The following UGGT2 variants were observed in gnomAD, a reference collection of about 807,000 sequenced individuals.
The protein encoded by UGGT2 is UDP-glucose glycoprotein glucosyltransferase 2.
In UGGT2, 180 loss-of-function variants were observed where a neutral mutation model predicts 192.1. The observed-to-expected ratio is 0.94, with a 90% CI of 0.83 to 1.06. The LOEUF is 1.06. Ranked by LOEUF, UGGT2 falls within the 50% of genes least tolerant of loss-of-function variation. The pLI, the probability that UGGT2 is intolerant of heterozygous loss-of-function variation, is 0.00. For synonymous variants in UGGT2, 580 were observed against 591.0 expected, an observed-to-expected ratio of 0.98 and a Z score of 0.27; for missense variants, 1,849 against 1,795.7, an observed-to-expected ratio of 1.03 and a Z score of -0.54.
intron 2 of UGGT2, among the ~76,000 whole-genome samples, chr13:96,029,442 C>T (rs1477571482): frequency 6.6e-6 from 1 of 151,814 alleles, no homozygotes; most frequent in African/African-American, 2.4e-5. Context: ...CGCACCACCA[C>T]GCCCAGCTAA....
At chr13:95,993,800 T>C (rs1594530230) in intron 7 of UGGT2, among the ~76,000 whole-genome samples, 1 of 152,252 alleles carries the variant, frequency 6.6e-6, no homozygotes, top group South Asian at 2.1e-4. Flanking sequence ...ACTAAAGGTG[T>C]TAATAAAAAT....
chr13:95,904,492 G>T (rs1420924347), intron 20 of UGGT2, among the ~76,000 whole-genome samples: 3 of 128,016 alleles, frequency 2.3e-5, no homozygotes, highest in African/African-American at 9.1e-5. Context: ...TCCCCTTCCT[G>T]TGTCCATGTG....
intron 38 of UGGT2, among the ~76,000 whole-genome samples, chr13:95,832,108 T>G (rs1284750398): frequency 2.0e-5 from 3 of 151,714 alleles, no homozygotes; most frequent in Non-Finnish European, 4.4e-5. Flanking sequence ...AGTTTATACA[T>G]AATCATTTCG....
chr13:95,991,388 C>A, intron 7 of UGGT2: 1 of 431,620 alleles, frequency 2.3e-6, no homozygotes, highest in Non-Finnish European at 4.6e-6. Context: ...CAGCATCTGT[C>A]GTTTCCTTTT....
chr13:95,918,169 T>A (rs920709930), intron 20 of UGGT2, among the ~76,000 whole-genome samples: 1 of 152,006 alleles, frequency 6.6e-6, no homozygotes, highest in African/African-American at 2.4e-5. Context: ...GCAAAATAAG[T>A]GAAATCGTAA....
At chr13:95,895,127 A>G in intron 23 of UGGT2, 53 bp downstream of exon 23, 4 of 1,513,178 alleles carry the variant, frequency 2.6e-6, no homozygotes, top group South Asian at 2.6e-5. Context: ...TAAAAACATT[A>G]GACTCAAAAT....
At chr13:95,994,847 T>C (rs1472753761) in intron 7 of UGGT2, among the ~76,000 whole-genome samples, 2 of 152,080 alleles carry the variant, frequency 1.3e-5, no homozygotes, top group Admixed American at 6.5e-5. Flanking sequence ...CTTATGTTTG[T>C]TGTTTCATGT....
chr13:95,933,394 G>A (rs147364533), intron 17 of UGGT2, among the ~76,000 whole-genome samples: 1 of 152,214 alleles, frequency 6.6e-6, no homozygotes, highest in East Asian at 1.9e-4. Flanking sequence ...ATTTCTATGG[G>A]ATCAGTTGTA....
At chr13:95,920,942 C>T (rs367856785) in intron 20 of UGGT2, among the ~76,000 whole-genome samples, 30 of 152,126 alleles carry the variant, frequency 2.0e-4, no homozygotes, top group African/African-American at 7.2e-4. Context: ...CGGAATCAAC[C>T]TAAATGCCCA....
At chr13:95,931,122 G>A (rs1198699300) in intron 17 of UGGT2, among the ~76,000 whole-genome samples, 3 of 152,088 alleles carry the variant, frequency 2.0e-5, no homozygotes, top group Admixed American at 1.3e-4. Flanking sequence ...TGATTGGTCC[G>A]TTTTGACAGG....
intron 1 of UGGT2, among the ~76,000 whole-genome samples, chr13:96,040,229 C>T (rs771276680): frequency 6.6e-6 from 1 of 152,188 alleles, no homozygotes; most frequent in Non-Finnish European, 1.5e-5. Flanking sequence ...TATTCTCTCA[C>T]AATTCTGGAG....
intron 5 of UGGT2, among the ~76,000 whole-genome samples, chr13:96,011,778 A>G (rs1259112483): frequency 1.3e-5 from 2 of 152,090 alleles, no homozygotes; most frequent in Non-Finnish European, 2.9e-5. Flanking sequence ...TTGAAACCCA[A>G]CATTGTACAT....
At chr13:95,839,150 C>T (rs1416099483) in intron 36 of UGGT2, among the ~76,000 whole-genome samples, 1 of 152,102 alleles carries the variant, frequency 6.6e-6, no homozygotes, top group Non-Finnish European at 1.5e-5. Context: ...ACAGGACACA[C>T]ACACACACTA....
At chr13:95,881,261 G>A (rs1268575632) in intron 27 of UGGT2, among the ~76,000 whole-genome samples, 1 of 152,150 alleles carries the variant, frequency 6.6e-6, no homozygotes, top group Admixed American at 6.5e-5. Context: ...GAGTGGGTGG[G>A]GGTATCTTAG....
intron 12 of UGGT2, among the ~76,000 whole-genome samples, chr13:95,961,734 A>T (rs2050399141): frequency 6.6e-6 from 1 of 152,188 alleles, no homozygotes; most frequent in Non-Finnish European, 1.5e-5. Flanking sequence ...CATTTGATGA[A>T]ATAGACTTTA....
intron 38 of UGGT2, among the ~76,000 whole-genome samples, chr13:95,803,559 C>T (rs1884166735): frequency 2.0e-5 from 3 of 152,076 alleles, no homozygotes; most frequent in African/African-American, 2.4e-5. Flanking sequence ...CGTGCCCGGC[C>T]GAAAAGGGGT....
intron 37 of UGGT2, among the ~76,000 whole-genome samples, chr13:95,835,402 G>A (rs1887171941): frequency 6.6e-6 from 1 of 152,174 alleles, no homozygotes; most frequent in Non-Finnish European, 1.5e-5. Flanking sequence ...ACTACTGTAT[G>A]AGCCACAACA....
chr13:95,840,673 C>T (rs1029618800), intron 36 of UGGT2, among the ~76,000 whole-genome samples: 20 of 152,132 alleles, frequency 1.3e-4, no homozygotes, highest in African/African-American at 4.6e-4. Flanking sequence ...ACCAGAAACA[C>T]CATTTGACCC....
intron 17 of UGGT2, among the ~76,000 whole-genome samples, chr13:95,932,703 T>G (rs2049329721): frequency 6.6e-6 from 1 of 152,200 alleles, no homozygotes; most frequent in Non-Finnish European, 1.5e-5. Flanking sequence ...TTTTCACTGT[T>G]CAGTATGATG....
Sources: gnomAD v4.1 joint callset for allele counts (sites outside exome capture counted in the v4.1 genomes callset) on GRCh38, gnomAD v4.1.1 for gene constraint, MANE v1.5 for transcripts, NCBI Gene and HGNC (gene_info 2026-07-23, HGNC 2026-07-21) for gene names.